Variants in ZNF324 observed in about 807,000 individuals in gnomAD.
ZNF324 encodes the protein zinc finger protein 324, also known as zinc finger protein 324A.
In ZNF324, 3 loss-of-function variants were observed where a neutral mutation model predicts 10.3. That is an observed-to-expected ratio of 0.29 (90% CI 0.13 to 0.75). The LOEUF is 0.75. Among genes scored for constraint, ZNF324 ranks in the 30% least tolerant of loss-of-function variants. The pLI is 0.69. For synonymous variants in ZNF324, 430 were observed against 339.5 expected, an observed-to-expected ratio of 1.27 and a Z score of -2.93; for missense variants, 763 against 784.4, an observed-to-expected ratio of 0.97 and a Z score of 0.33.
rs1300248981 is a variant in ZNF324, at chr19:58,471,806, C to T, written c.1314C>T (p.Ser438=). 1 of 1,613,002 alleles carries T rather than the reference C, an allele frequency of 6.2e-7. No homozygotes were observed. Among genetic ancestry groups the T allele is most frequent in the Admixed American group, 1.7e-5 (1 of 59,990 alleles). The part of the protein sequence containing the change: ...PQCGRAFSHS[S]NLTQHQLLHT... The stretch of plus-strand genomic sequence containing the variant: ...GCGGCCGCGCCTTTAGCCACAGCTC[C>T]AACCTCACCCAGCACCAGCTCCTGC... The change falls in exon 4 of 4, where the codon TCC becomes TCT. Residue 438 remains serine, a synonymous_variant. Transcript: ENST00000196482.
chr19:58,469,948 A>T (rs374408259), intron 3 of ZNF324, 104 bp downstream of exon 3: 1 of 709,536 alleles, frequency 1.4e-6, no homozygotes, highest in Non-Finnish European at 2.2e-6. Context: ...CCTCCCTCCC[A>T]CCCGATTCCC....
At position 58,472,454 on chromosome 19, in the gene ZNF324, T is replaced by C. The variant is rs2053045638; in HGVS notation, c.*300T>C. ...GAGGCCGACAGTCACAGCACTGCAC[T>C]GTGGTGCGGCTTCATGTGATATGAC... On this transcript the variant is annotated 3_prime_UTR_variant, in exon 4 of 4. Transcript: ENST00000196482. 4.8e-6 allele frequency: 2 copies of C among 415,658 alleles called. No individual in the cohort carries two copies. The highest frequency in any genetic ancestry group is 7.6e-5 in the East Asian group (2 of 26,406). 25.7% of individuals were successfully genotyped at this position (415,658 alleles called of 1,614,324 possible). A position where few individuals can be genotyped will look rare whatever the true frequency, so the allele number is the denominator to read the frequency against.
chr19:58,470,986 C>G lies in ZNF324; in HGVS notation c.494C>G (p.Pro165Arg), dbSNP rs375263739. The change falls in exon 4 of 4, where the codon CCG becomes CGG. Residue 165 changes from proline (P) to arginine (R), a missense_variant. By Grantham distance (103) the Pro-to-Arg change is moderately radical. Transcript: ENST00000196482. The part of the protein sequence containing the change: ...QASVSLRLTS[P>R]LRPPEGVRLR... ...AGCGTCAGCCTGCGACTGACCTCCC[C>G]GCTTAGGCCTCCCGAGGGCGTCCGG... 5 of 1,614,204 alleles carry G rather than the reference C, an allele frequency of 3.1e-6. No individual in the cohort carries two copies. In the Admixed American group the frequency reaches 6.7e-5, roughly 22 times the overall value.
In ZNF324 at chr19:58,470,925, G is replaced by A; in HGVS notation, c.433G>A (p.Glu145Lys). Residue 145 changes from glutamate (E) to lysine (K), a missense_variant, in exon 4 of 4, where the codon GAG (glutamate) becomes AAG (lysine). Coordinates refer to ENST00000196482, the MANE Select transcript of ZNF324 (RefSeq NM_014347.3). ...CACGGGGGTGTCGGTGATCTACTGG[G>A]AGAGGCTCCTGCTAGGCTCAGGCAG... ...KPTGVSVIYW[E>K]RLLLGSGSGQ... 1.9e-6 allele frequency: 3 copies of A among 1,614,242 alleles called. No homozygotes were observed. The highest frequency in any genetic ancestry group is 1.1e-5 in the South Asian group (1 of 91,088).
intron 3 of ZNF324, 142 bp from the exon 4 acceptor site, chr19:58,470,589 C>T: frequency 9.8e-7 from 1 of 1,025,212 alleles, no homozygotes; most frequent in Non-Finnish European, 1.5e-6. Context: ...ACCCCAGCCC[C>T]TCCTGCAGGG....
In ZNF324 at chr19:58,472,605, G is replaced by C. The variant is rs2053047323; in HGVS notation, c.*451G>C. ...GAGGGTATTCTCCCCTCAACCCACT[G>C]CCTCTGTTCATCCAAGACTTCCTAG... On this transcript the variant is annotated 3_prime_UTR_variant, in exon 4 of 4. Transcript: ENST00000196482. The C allele has an allele frequency of 6.2e-6, 1 of 160,302 alleles. No individual in the cohort carries two copies. Among genetic ancestry groups the C allele is most frequent in the African/African-American group, 2.4e-5 (1 of 41,686 alleles). 9.9% of individuals were successfully genotyped at this position (160,302 alleles called of 1,614,324 possible).
At position 58,472,152 on chromosome 19, in the gene ZNF324, T is replaced by G. The variant is rs766275664; in HGVS notation, c.1660T>G (p.Ter554GlyextTer16). The change falls in exon 4 of 4, where the codon TGA (stop) becomes GGA (glycine). Residue 554 changes from the stop codon to glycine, a stop_lost. Transcript: ENST00000196482. ...CGCCGTCTCGCAGCCAGCGGAGGTCTGAGGTCACAGGTTGCAGCCCTGGCC... is the reference window on the plus strand; with the variant it reads ...CGCCGTCTCGCAGCCAGCGGAGGTCGGAGGTCACAGGTTGCAGCCCTGGCC... ...PAAVSQPAEV[*>G] 6.4e-7 allele frequency: 1 copy of G among 1,573,724 alleles called. No homozygotes were observed. Among genetic ancestry groups the G allele is most frequent in the Non-Finnish European group, 8.6e-7 (1 of 1,161,072 alleles).
In ZNF324 at chr19:58,470,848, T is replaced by C; in HGVS notation, c.356T>C (p.Val119Ala). 6.2e-7 allele frequency: 1 copy of C among 1,614,042 alleles called. No homozygotes were observed. Among genetic ancestry groups the C allele is most frequent in the Non-Finnish European group, 8.5e-7 (1 of 1,180,022 alleles). Residue 119 changes from valine (V) to alanine (A), a missense_variant, in exon 4 of 4, where the codon GTA (valine) becomes GCA (alanine). Around this residue, in one of 3 missense-constraint regions of ZNF324, gnomAD observed 379 missense variants for 319.4 expected, o/e 1.19. Transcript: ENST00000196482. ...CCTGTTGCCGGTGCCTGCCACAGTG[T>C]AAAAAGCCTGCAGAGACAACGGGGT... Reference protein sequence around the residue: ...VFPVAGACHSVKSLQRQRGAS... With the variant: ...VFPVAGACHSAKSLQRQRGAS...
At chr19:58,468,332 G>A in intron 1 of ZNF324, 5 of 817,396 alleles carry the variant, frequency 6.1e-6, no homozygotes, top group Non-Finnish European at 7.4e-6. Flanking sequence ...GATGCCTGGG[G>A]CTATTGGGAA....
Position 58,472,289 on chromosome 19 carries a change from T to G in ZNF324, c.*135T>G, listed in dbSNP as rs2053043888. 1.2e-5 allele frequency: 12 copies of G among 968,316 alleles called. No homozygotes were observed. The highest frequency in any genetic ancestry group is 2.9e-5 in the Admixed American group (1 of 34,058). The allele number at this position is 968,316 out of a possible 1,614,324, so 60.0% of individuals were successfully genotyped here. The stretch of plus-strand genomic sequence containing the variant: ...CAAGGGAGGCCCTTTGGCTGTGATT[T>G]CATTTGCACGTGGGGACAGGATTTG... On this transcript the variant is annotated 3_prime_UTR_variant, in exon 4 of 4. Coordinates refer to ENST00000196482, the MANE Select transcript of ZNF324 (RefSeq NM_014347.3).
rs377733639 is a variant in ZNF324 at position 58,472,091 on chromosome 19, G to T, written c.1599G>T (p.Ala533=). 2.5e-6 allele frequency: 4 copies of T among 1,598,806 alleles called. No individual in the cohort carries two copies. Among genetic ancestry groups the T allele is most frequent in the Non-Finnish European group, 3.4e-6 (4 of 1,174,248 alleles). Residue 533 remains alanine, a synonymous_variant, in exon 4 of 4, where the codon GCG becomes GCT. Transcript: ENST00000196482. The stretch of plus-strand genomic sequence containing the variant: ...GGGCATCATCAGAAGGTGCGCCAGC[G>T]AAGGAAACCGAGCCCACTCCCGCCT... The part of the protein sequence containing the change: ...VAGASSEGAP[A]KETEPTPASG...
rs1286562530 is a variant in ZNF324 at position 58,472,249 on chromosome 19, C to T, written c.*95C>T. 10 of 1,322,604 alleles carry T rather than the reference C, an allele frequency of 7.6e-6. No individual in the cohort carries two copies. The East Asian group carries it at 2.5e-4, about 33-fold the overall frequency. The allele number at this position is 1,322,604 out of a possible 1,614,324, so 81.9% of individuals were successfully genotyped here. ...TCCACAGCAGAGAAAAAGTCCCGTGCTTGCTAGTCAGGGACAAGGGAGGCC... is the reference window on the plus strand; with the variant it reads ...TCCACAGCAGAGAAAAAGTCCCGTGTTTGCTAGTCAGGGACAAGGGAGGCC... On this transcript the variant is annotated 3_prime_UTR_variant, in exon 4 of 4. Transcript: ENST00000196482.
Position 58,472,539 on chromosome 19 carries a change from T to C in ZNF324, c.*385T>C, listed in dbSNP as rs941929030. The C allele has an allele frequency of 9.4e-5, 19 of 203,164 alleles. No homozygotes were observed. The highest frequency in any genetic ancestry group is 3.5e-4 in the African/African-American group (15 of 43,392). The allele number at this position is 203,164 out of a possible 1,614,324, so 12.6% of individuals were successfully genotyped here. A position where few individuals can be genotyped will look rare whatever the true frequency, so the allele number is the denominator to read the frequency against. ...GTTGGGGGTGGCCCAGAGAAACTTA[T>C]GACAGCTGTACACAAACTGGCCGCT... is the stretch of plus-strand genomic sequence containing the variant. On this transcript the variant is annotated 3_prime_UTR_variant, in exon 4 of 4. Transcript: ENST00000196482.
In ZNF324 at chr19:58,471,704, T is replaced by G. The variant is rs1305586617; in HGVS notation, c.1212T>G (p.Ala404=). 3 of 1,611,258 alleles carry G rather than the reference T, an allele frequency of 1.9e-6. No homozygotes were observed. In the East Asian group the frequency reaches 6.7e-5, roughly 36 times the overall value. The stretch of plus-strand genomic sequence containing the variant: ...CCTTCGTGTGCGCGCTCTGCGGTGC[T>G]GCCTTCAGCCAGGGCTCCTCGCTCT... ...EKPFVCALCG[A]AFSQGSSLFK... The change falls in exon 4 of 4, where the codon GCT becomes GCG. Residue 404 remains alanine (A), a synonymous_variant. Coordinates refer to ENST00000196482, the MANE Select transcript of ZNF324 (RefSeq NM_014347.3).
chr19:58,472,128 G>A lies in ZNF324; in HGVS notation c.1636G>A (p.Ala546Thr), dbSNP rs759787884. Reference sequence around the variant, plus strand: ...GCCCACTCCCGCCTCGGGCCCAGCCGCCGTCTCGCAGCCAGCGGAGGTCTG... The same window carrying A: ...GCCCACTCCCGCCTCGGGCCCAGCCACCGTCTCGCAGCCAGCGGAGGTCTG... ...TEPTPASGPAAVSQPAEV is the reference protein window; with the variant it reads ...TEPTPASGPATVSQPAEV The change falls in exon 4 of 4, where the codon GCC becomes ACC. Residue 546 changes from alanine to threonine, a missense_variant. By Grantham distance (58) the Ala-to-Thr change is moderately conservative. Transcript: ENST00000196482. 10 of 1,587,960 alleles carry A rather than the reference G, an allele frequency of 6.3e-6. No homozygotes were observed. Among genetic ancestry groups the A allele is most frequent in the African/African-American group, 4.0e-5 (3 of 74,762 alleles).
chr19:58,472,203 A>T lies in ZNF324; in HGVS notation c.*49A>T, dbSNP rs754878735. The T allele has an allele frequency of 7.3e-6, 11 of 1,502,632 alleles. No homozygotes were observed. The highest frequency in any genetic ancestry group is 1.8e-4 in the Middle Eastern group (1 of 5,646). The allele number at this position is 1,502,632 out of a possible 1,614,324, so 93.1% of individuals were successfully genotyped here. On this transcript the variant is annotated 3_prime_UTR_variant, in exon 4 of 4. Coordinates refer to ENST00000196482, the MANE Select transcript of ZNF324 (RefSeq NM_014347.3). Reference sequence around the variant, plus strand: ...TTCTGTGAATCCCTTCCACAGCTAAAGGGCATATGTCCTCTGCAGATCCAC... The same window carrying T: ...TTCTGTGAATCCCTTCCACAGCTAATGGGCATATGTCCTCTGCAGATCCAC...
intron 1 of ZNF324, 112 bp from the exon 2 acceptor site, chr19:58,469,068 G>A (rs552998816): frequency 7.8e-7 from 1 of 1,283,370 alleles, no homozygotes; most frequent in East Asian, 2.3e-5. Flanking sequence ...TAGTGTTAAT[G>A]TATTTTATGT....
intron 2 of ZNF324, 49 bp downstream of exon 2, chr19:58,469,355 T>C (rs2053007960): frequency 1.9e-6 from 3 of 1,596,714 alleles, no homozygotes; most frequent in African/African-American, 2.7e-5. Flanking sequence ...ACAAGCTGAC[T>C]GGCCAGGGCT....
Position 58,472,266 on chromosome 19 carries a change from A to C in ZNF324, c.*112A>C. The C allele has an allele frequency of 2.5e-6, 3 of 1,190,188 alleles. No individual in the cohort carries two copies. The South Asian group carries it at 4.8e-5, about 19-fold the overall frequency. 73.7% of individuals were successfully genotyped at this position (1,190,188 alleles called of 1,614,324 possible). On this transcript the variant is annotated 3_prime_UTR_variant, in exon 4 of 4. Coordinates refer to ENST00000196482, the MANE Select transcript of ZNF324 (RefSeq NM_014347.3). ...GTCCCGTGCTTGCTAGTCAGGGACA[A>C]GGGAGGCCCTTTGGCTGTGATTTCA...
Sources: gnomAD v4.1 joint callset for allele counts on GRCh38, gnomAD v4.1.1 for gene constraint, gnomAD v4.1.1 regional missense constraint, MANE v1.5 for transcripts, NCBI Gene and HGNC (gene_info 2026-07-23, HGNC 2026-07-21) for gene names.